KMT2E: variants seen among roughly 807,000 people sequenced by gnomAD.
The protein encoded by KMT2E is histone reader KMT2E.
A neutral mutation model predicts 184.6 loss-of-function variants in KMT2E; 30 were observed. That is an observed-to-expected ratio of 0.16 (90% confidence interval 0.12 to 0.22). The LOEUF (loss-of-function observed/expected upper bound fraction) is 0.22, where lower values mean the gene tolerates loss of function less well. KMT2E is among the 10% of genes least tolerant of loss of function. The pLI is 1.00. For synonymous variants in KMT2E, 815 were observed against 776.5 expected, an observed-to-expected ratio of 1.05 and a Z score of -0.82; for missense variants, 2,023 against 2,237.4, an observed-to-expected ratio of 0.90 and a Z score of 1.93.
chr7:105,029,482 T>G (rs1490007891), intron 1 of KMT2E, among the ~76,000 whole-genome samples: 1 of 152,190 alleles, frequency 6.6e-6, no homozygotes, highest in African/African-American at 2.4e-5. Context: ...ATTCCATTCT[T>G]TAGAGACAAA....
chr7:105,091,166 T>C (rs774868290), intron 14 of KMT2E, 50 bp from the exon 15 acceptor site: 1 of 816,308 alleles, frequency 1.2e-6, no homozygotes, highest in East Asian at 2.4e-5. Context: ...TGTCACTAGT[T>C]GTATAGATGG....
chr7:105,032,977 C>G (rs1424859027), intron 1 of KMT2E, among the ~76,000 whole-genome samples: 1 of 152,284 alleles, frequency 6.6e-6, no homozygotes, highest in Admixed American at 6.5e-5. Flanking sequence ...GATTTTCAAA[C>G]AGTTCTTCAG....
chr7:105,079,232 T>C (rs1339634838), intron 12 of KMT2E, among the ~76,000 whole-genome samples: 1 of 151,338 alleles, frequency 6.6e-6, no homozygotes, highest in Non-Finnish European at 1.5e-5. Flanking sequence ...TCTTCCGGGC[T>C]CAAGTGATTC....
intron 3 of KMT2E, among the ~76,000 whole-genome samples, chr7:105,051,148 C>T (rs1438231644): frequency 6.7e-6 from 1 of 150,178 alleles, no homozygotes; most frequent in African/African-American, 2.5e-5. Flanking sequence ...TCCCTCCCTT[C>T]CTTCCTCCCT....
chr7:105,064,587 A>G (rs1378133271), intron 5 of KMT2E, among the ~76,000 whole-genome samples: 1 of 152,168 alleles, frequency 6.6e-6, no homozygotes, highest in African/African-American at 2.4e-5. Flanking sequence ...AGAAATTCAA[A>G]TATTAAGTGG....
chr7:105,063,707 A>G (rs1460262420), intron 5 of KMT2E, 127 bp downstream of exon 5: 2 of 641,414 alleles, frequency 3.1e-6, no homozygotes, highest in East Asian at 5.7e-5. Flanking sequence ...GACTTCTACT[A>G]TTGATGCAGT....
chr7:105,025,461 C>T (rs1273345576), intron 1 of KMT2E, among the ~76,000 whole-genome samples: 1 of 152,094 alleles, frequency 6.6e-6, no homozygotes, highest in Non-Finnish European at 1.5e-5. Flanking sequence ...AAGGTGATCA[C>T]TATTTATAGT....
intron 1 of KMT2E, among the ~76,000 whole-genome samples, chr7:105,018,978 A>G (rs1168347489): frequency 2.0e-5 from 3 of 152,160 alleles, no homozygotes; most frequent in African/African-American, 7.2e-5. Context: ...TACTTTGTAT[A>G]ATATAAAATG....
At chr7:105,040,582 T>A (rs761891219) in intron 2 of KMT2E, among the ~76,000 whole-genome samples, 11 of 152,306 alleles carry the variant, frequency 7.2e-5, no homozygotes, top group Non-Finnish European at 1.5e-4. Flanking sequence ...TTAAAATGAA[T>A]AATTTTTGGT....
At chr7:105,106,302 G>A (rs1468361881) in intron 19 of KMT2E, among the ~76,000 whole-genome samples, 1 of 152,146 alleles carries the variant, frequency 6.6e-6, no homozygotes. Flanking sequence ...GAGACCCCTA[G>A]GCCTATAATC....
chr7:105,052,963 T>C (rs923172826), intron 3 of KMT2E, among the ~76,000 whole-genome samples: 32 of 152,262 alleles, frequency 2.1e-4, no homozygotes, highest in African/African-American at 6.5e-4. Context: ...TAACTATACT[T>C]CAGTTGTTAA....
chr7:105,058,611 C>A (rs1434766848), intron 3 of KMT2E, among the ~76,000 whole-genome samples: 1 of 152,000 alleles, frequency 6.6e-6, no homozygotes, highest in African/African-American at 2.4e-5. Flanking sequence ...GTTAGAATCC[C>A]CTTTTATGCA....
chr7:105,099,632 A>G (rs1178046437), intron 15 of KMT2E, among the ~76,000 whole-genome samples: 1 of 152,210 alleles, frequency 6.6e-6, no homozygotes, highest in African/African-American at 2.4e-5. Context: ...TATTTACCTT[A>G]CAACACCCAG....
At chr7:105,044,731 G>A (rs767202952) in intron 3 of KMT2E, among the ~76,000 whole-genome samples, 1 of 152,156 alleles carries the variant, frequency 6.6e-6, no homozygotes, top group Non-Finnish European at 1.5e-5. Flanking sequence ...TGATCTACCA[G>A]TAGTTTTGTG....
intron 4 of KMT2E, 113 bp downstream of exon 4, chr7:105,062,391 T>A: frequency 1.7e-6 from 1 of 588,028 alleles, no homozygotes; most frequent in Middle Eastern, 2.7e-4. Context: ...TGTTTCATAC[T>A]ATCAAAATAA....
In KMT2E at chr7:105,106,596, A is replaced by C. The variant is rs747047836; in HGVS notation, c.2671A>C (p.Thr891Pro). 2.5e-6 allele frequency: 4 copies of C among 1,613,044 alleles called. No homozygotes were observed. The South Asian group carries it at 3.3e-5, about 13-fold the overall frequency. ...DSVYSETSTP[T>P]PSPYATPTHT... The stretch of plus-strand genomic sequence containing the variant: ...GGTTTACTCAGAAACCTCCACACCT[A>C]CTCCTTCCCCGTATGCTACACCAAC... The change falls in exon 20 of 27, where the codon ACT becomes CCT. Residue 891 changes from threonine to proline, a missense_variant. Transcript: ENST00000311117.
intron 22 of KMT2E, chr7:105,108,514 C>A: frequency 2.2e-6 from 1 of 450,914 alleles, no homozygotes. Context: ...CAAGAATTTT[C>A]GTGATGTGTG....
At chr7:105,043,967 G>T (rs145696002) in intron 3 of KMT2E, among the ~76,000 whole-genome samples, 1 of 152,056 alleles carries the variant, frequency 6.6e-6, no homozygotes. Context: ...GCATGGCAGC[G>T]CATGCCTGTA....
At chr7:105,061,283 T>C (rs925134065) in intron 3 of KMT2E, among the ~76,000 whole-genome samples, 6 of 152,226 alleles carry the variant, frequency 3.9e-5, no homozygotes, top group African/African-American at 9.6e-5. Context: ...TAAGTTCTAA[T>C]GTAAAGTTTT....
Sources: gnomAD v4.1 joint callset for allele counts (sites outside exome capture counted in the v4.1 genomes callset) on GRCh38, gnomAD v4.1.1 for gene constraint, MANE v1.5 for transcripts, NCBI Gene and HGNC (gene_info 2026-07-23, HGNC 2026-07-21) for gene names.